Variants in MYRFL observed in about 807,000 individuals in gnomAD.
MYRFL encodes the protein myelin regulatory factor-like protein.
Under a neutral mutation model 109.4 loss-of-function variants are expected in MYRFL, and 88 were observed. That is an observed-to-expected ratio of 0.80 (90% CI 0.68 to 0.96). The LOEUF (loss-of-function observed/expected upper bound fraction) is 0.96. MYRFL is among the 40% of genes least tolerant of loss of function. The pLI is 0.00. For missense variants in MYRFL, 957 were observed against 954.9 expected (o/e 1.00, Z -0.03); for synonymous variants, 324 against 320.9 (o/e 1.01, Z -0.10).
At chr12:69,868,392 C>T (rs909038349) in intron 2 of MYRFL, among the ~76,000 whole-genome samples, 1 of 152,086 alleles carries the variant, frequency 6.6e-6, no homozygotes, top group African/African-American at 2.4e-5. Flanking sequence ...GGATTACGGG[C>T]ATGAGCCACC....
At chr12:69,934,244 T>C (rs1208113342) in intron 16 of MYRFL, among the ~76,000 whole-genome samples, 7 of 152,044 alleles carry the variant, frequency 4.6e-5, no homozygotes, top group Non-Finnish European at 8.8e-5. Flanking sequence ...TGGGAGCACA[T>C]GAGAGAGTGA....
At chr12:69,947,779 T>C (rs934802684) in intron 19 of MYRFL, among the ~76,000 whole-genome samples, 2 of 152,098 alleles carry the variant, frequency 1.3e-5, no homozygotes, top group African/African-American at 4.8e-5. Context: ...CATCGACTGG[T>C]GGGGCTCATT....
rs551901248 is a variant in MYRFL, at chr12:69,909,909, C to T, written c.1384-60C>T. On this transcript the variant is annotated intron_variant, in intron 11 of 24. Transcript: ENST00000552032. ...AGTGATGTCTCTGGGTCACTCTGGG[C>T]ATTAATTTGAATAGCAAATATCTAT... 1.1e-5 allele frequency: 13 copies of T among 1,165,576 alleles called. No homozygotes were observed. In the African/African-American group the frequency reaches 2.0e-4, roughly 18 times the overall value. 72.2% of individuals were successfully genotyped at this position (1,165,576 alleles called of 1,614,324 possible). A position where few individuals can be genotyped will look rare whatever the true frequency, so the allele number is the denominator to read the frequency against.
chr12:69,884,502 C>G (rs1886325289), intron 5 of MYRFL, among the ~76,000 whole-genome samples: 1 of 152,150 alleles, frequency 6.6e-6, no homozygotes, highest in African/African-American at 2.4e-5. Flanking sequence ...CCTCCCTGCC[C>G]CTGTCCACCC....
At chr12:69,845,235 C>T (rs1358339623) in intron 1 of MYRFL, among the ~76,000 whole-genome samples, 1 of 152,144 alleles carries the variant, frequency 6.6e-6, no homozygotes. Flanking sequence ...CACCTCCTTT[C>T]CCTCCCTTAG....
intron 21 of MYRFL, among the ~76,000 whole-genome samples, chr12:69,955,147 GT>G (rs1161592878): frequency 6.6e-6 from 1 of 151,768 alleles, no homozygotes; most frequent in Non-Finnish European, 1.5e-5. Flanking sequence ...ACTTTTTATG[GT>G]ATATTTTATA....
At chr12:69,857,060 A>G (rs568059952) in intron 2 of MYRFL, among the ~76,000 whole-genome samples, 1 of 151,860 alleles carries the variant, frequency 6.6e-6, no homozygotes, top group African/African-American at 2.4e-5. Flanking sequence ...AAGGCTTGAG[A>G]TACAGATTTA....
At chr12:69,869,300 T>C (rs568519742) in intron 2 of MYRFL, among the ~76,000 whole-genome samples, 1 of 152,288 alleles carries the variant, frequency 6.6e-6, no homozygotes, top group East Asian at 1.9e-4. Flanking sequence ...TTAGTATTGT[T>C]TTCAAATTGT....
At position 69,916,588 on chromosome 12, in the gene MYRFL, A is replaced by G. The variant is rs898630377; in HGVS notation, c.1602+5658A>G. Among the ~76,000 whole-genome samples, 13 of 152,276 alleles carry G rather than the reference A, an allele frequency of 8.5e-5. No individual in the cohort carries two copies. The East Asian group carries it at 2.3e-3, about 27-fold the overall frequency. On this transcript the variant is annotated intron_variant, in intron 13 of 24. Transcript: ENST00000552032. The stretch of plus-strand genomic sequence containing the variant: ...ATAATGATCTCCTAACTGACCTGCT[A>G]GCCACCAATAAAATTATCTTCCTTA...
chr12:69,917,899 A>C (rs1370628254), intron 13 of MYRFL, among the ~76,000 whole-genome samples: 1 of 130,818 alleles, frequency 7.6e-6, no homozygotes, highest in African/African-American at 3.2e-5. Context: ...CTGAACATTT[A>C]GATGAAAAAA....
chr12:69,916,334 G>A (rs975528371), intron 13 of MYRFL, among the ~76,000 whole-genome samples: 1 of 152,100 alleles, frequency 6.6e-6, no homozygotes, highest in African/African-American at 2.4e-5. Context: ...GAGGTTCACG[G>A]GTGGAAAAGA....
intron 19 of MYRFL, among the ~76,000 whole-genome samples, chr12:69,936,840 A>G (rs922286861): frequency 6.6e-6 from 1 of 152,250 alleles, no homozygotes; most frequent in Admixed American, 6.5e-5. Context: ...GGTTGATTCA[A>G]GTACTTATAA....
intron 5 of MYRFL, among the ~76,000 whole-genome samples, chr12:69,886,613 C>T (rs776164428): frequency 1.3e-5 from 2 of 151,940 alleles, no homozygotes; most frequent in African/African-American, 2.4e-5. Flanking sequence ...AGGTGTTTAC[C>T]CCCCACCCTT....
At chr12:69,939,095 G>C (rs1046461005) in intron 19 of MYRFL, among the ~76,000 whole-genome samples, 1 of 150,242 alleles carries the variant, frequency 6.7e-6, no homozygotes, top group Non-Finnish European at 1.5e-5. Flanking sequence ...CAAACTGCAA[G>C]GCGGCAGCGA....
In MYRFL at chr12:69,895,407, A is replaced by G. The variant is rs1478684884; in HGVS notation, c.1017A>G (p.Thr339=). ...DLLADQVTKV[T]LGRLHFSETT... ...TGGCTGACCAGGTCACCAAAGTAAC[A>G]CTGGGACGATTACACTTCAGCGAAA... is the stretch of plus-strand genomic sequence containing the variant. Residue 339 remains threonine (T), a synonymous_variant, in exon 9 of 25, where the codon ACA becomes ACG. Transcript: ENST00000552032. The G allele has an allele frequency of 6.5e-7, 1 of 1,535,490 alleles. No individual in the cohort carries two copies. The highest frequency in any genetic ancestry group is 1.2e-5 in the South Asian group (1 of 84,024).
At chr12:69,839,213 A>C (rs988595116) in intron 1 of MYRFL, among the ~76,000 whole-genome samples, 2 of 152,178 alleles carry the variant, frequency 1.3e-5, no homozygotes, top group Admixed American at 6.5e-5. Context: ...AGAGTCCTTG[A>C]ACCCAGAAAG....
At chr12:69,853,405 G>C (rs896149492) in intron 1 of MYRFL, among the ~76,000 whole-genome samples, 3 of 150,622 alleles carry the variant, frequency 2.0e-5, no homozygotes, top group Middle Eastern at 3.6e-3. Flanking sequence ...AGACGGGGCG[G>C]CCGGGCAGAG....
chr12:69,943,151 A>G (rs550427136), intron 19 of MYRFL, among the ~76,000 whole-genome samples: 47 of 151,852 alleles, frequency 3.1e-4, no homozygotes, highest in African/African-American at 1.0e-3. Flanking sequence ...CAAGCTACCA[A>G]TGCCTTTCTT....
At chr12:69,923,132 G>A (rs1021858267) in intron 13 of MYRFL, among the ~76,000 whole-genome samples, 1 of 152,146 alleles carries the variant, frequency 6.6e-6, no homozygotes, top group Non-Finnish European at 1.5e-5. Flanking sequence ...TTCTATCATG[G>A]TAATTAGCCC....
Sources: allele counts gnomAD v4.1 joint callset (sites outside exome capture counted in the v4.1 genomes callset), GRCh38; gene constraint gnomAD v4.1.1; transcripts MANE v1.5; gene names NCBI Gene and HGNC (gene_info 2026-07-23, HGNC 2026-07-21).